BBX: variants seen among roughly 807,000 people sequenced by gnomAD.
The protein encoded by BBX is HMG box transcription factor BBX.
In BBX, 30 loss-of-function variants were observed where a neutral mutation model predicts 100.2. That is an observed-to-expected ratio of 0.30 (90% CI 0.22 to 0.41). The LOEUF is 0.41. Ranked by LOEUF, BBX falls within the 10% of genes least tolerant of loss-of-function variation. BBX has a pLI of 1.00. For missense variants in BBX, 1,023 were observed against 1,129.8 expected, an observed-to-expected ratio of 0.91 and a Z score of 1.35; for synonymous variants, 376 against 388.1, an observed-to-expected ratio of 0.97 and a Z score of 0.37.
At chr3:107,538,897 G>A (rs1046326654) in intron 2 of BBX, among the ~76,000 whole-genome samples, 29 of 151,722 alleles carry the variant, frequency 1.9e-4, no homozygotes, top group African/African-American at 6.5e-4. Flanking sequence ...TGATCCTCTC[G>A]CCTTAGCTTC....
At chr3:107,647,672 G>C (rs1330561147) in intron 3 of BBX, among the ~76,000 whole-genome samples, 3 of 152,096 alleles carry the variant, frequency 2.0e-5, no homozygotes, top group African/African-American at 4.8e-5. Context: ...AGGATGCCAG[G>C]GTTCAATAAA....
intron 2 of BBX, among the ~76,000 whole-genome samples, chr3:107,627,652 A>T (rs2056279774): frequency 6.6e-6 from 1 of 152,078 alleles, no homozygotes; most frequent in Non-Finnish European, 1.5e-5. Flanking sequence ...ACTTTCTCTA[A>T]GTTTAACTAG....
chr3:107,631,215 C>T lies in BBX; in HGVS notation c.-83-14621C>T, dbSNP rs573103269. 2.0e-3 allele frequency among the ~76,000 whole-genome samples: 301 copies of T among 152,314 alleles called. 1 individual carries two copies. Among genetic ancestry groups the T allele is most frequent in the African/African-American group, 7.0e-3 (291 of 41,570 alleles). On this transcript the variant is annotated intron_variant, in intron 2 of 17. Transcript: ENST00000325805. ...TTACCACCTTGTCACTCTGCCCAGC[C>T]TTCTAAGCCTTTGGGCTCATTTTTA...
Position 107,807,467 on chromosome 3 carries a change from G to T in BBX, c.*2010G>T, listed in dbSNP as rs1265991263. On this transcript the variant is annotated 3_prime_UTR_variant, in exon 18 of 18. Transcript: ENST00000325805. Reference sequence around the variant, plus strand: ...TTGCTGGGTCCCGATGTTGGTGGCTGTTGGAGTTTTGGACCACTCGCTAGC... The same window carrying T: ...TTGCTGGGTCCCGATGTTGGTGGCTTTTGGAGTTTTGGACCACTCGCTAGC... The T allele has an allele frequency of 1.3e-5, 2 of 152,158 alleles. No individual in the cohort carries two copies. Among genetic ancestry groups the T allele is most frequent in the African/African-American group, 4.8e-5 (2 of 41,434 alleles). 9.4% of individuals were successfully genotyped at this position (152,158 alleles called of 1,614,324 possible).
In BBX at chr3:107,565,370, C is replaced by T. The variant is rs1314193670; in HGVS notation, c.-84+38972C>T. 2.0e-5 allele frequency among the ~76,000 whole-genome samples: 3 copies of T among 150,484 alleles called. No homozygotes were observed. In the East Asian group the frequency reaches 5.8e-4, roughly 29 times the overall value. On this transcript the variant is annotated intron_variant, in intron 2 of 17. Coordinates refer to ENST00000325805, the MANE Select transcript of BBX (RefSeq NM_001142568.3). ...GATTGTTTTTAGTGATAGCATACAT[C>T]CTTATTTGTACATATTTTTTACATA...
rs1277546858 is a variant in BBX at position 107,773,651 on chromosome 3, CA to C, written c.1915+18del. On this transcript the variant is annotated intron_variant, in intron 11 of 17. Transcript: ENST00000325805. The surrounding 1 kb of genome is among the most constrained non-coding windows in gnomAD (Gnocchi z 4.1). ...TGTTGACAGAGGTAAGTAACTTCTA[CA>C]AACCTGAAAAGAATTCAAAAACCAA... 2 of 1,582,604 alleles carry C rather than the reference CA, an allele frequency of 1.3e-6. No homozygotes were observed. Among genetic ancestry groups the C allele is most frequent in the African/African-American group, 1.4e-5 (1 of 73,368 alleles).
intron 2 of BBX, among the ~76,000 whole-genome samples, chr3:107,584,905 C>G (rs1479219875): frequency 4.0e-5 from 6 of 151,856 alleles, no homozygotes; most frequent in Non-Finnish European, 8.8e-5. Context: ...TGGTCTCGAA[C>G]TCCTGACCTC....
intron 9 of BBX, among the ~76,000 whole-genome samples, 195 bp downstream of exon 9, chr3:107,748,234 C>T (rs999418944): frequency 6.6e-6 from 1 of 152,200 alleles, no homozygotes; most frequent in African/African-American, 2.4e-5. Context: ...CCCGATTTTA[C>T]ACCCATTTTA....
intron 3 of BBX, chr3:107,659,648 C>T (rs567429153): frequency 7.8e-6 from 8 of 1,030,094 alleles, no homozygotes; most frequent in Non-Finnish European, 1.0e-5. Flanking sequence ...GGAATTCAAA[C>T]TCAGGCTGTC....
chr3:107,737,019 A>G (rs2063682690), intron 7 of BBX, among the ~76,000 whole-genome samples: 1 of 152,134 alleles, frequency 6.6e-6, no homozygotes, highest in African/African-American at 2.4e-5. Context: ...TGGAGCCAGC[A>G]GATAATGACA....
intron 2 of BBX, among the ~76,000 whole-genome samples, chr3:107,569,769 A>G (rs2051206044): frequency 1.3e-5 from 2 of 152,164 alleles, no homozygotes; most frequent in South Asian, 4.1e-4. Context: ...GGCCCTTGAA[A>G]AGAAGGTAAT....
At chr3:107,527,560 A>G (rs149135802) in intron 2 of BBX, among the ~76,000 whole-genome samples, 2 of 152,330 alleles carry the variant, frequency 1.3e-5, no homozygotes, top group African/African-American at 4.8e-5. Flanking sequence ...GTTATTGAAG[A>G]CTTTAGATAA....
intron 9 of BBX, among the ~76,000 whole-genome samples, chr3:107,753,345 G>A (rs1307505707): frequency 1.3e-5 from 2 of 152,090 alleles, no homozygotes; most frequent in Non-Finnish European, 2.9e-5. Flanking sequence ...CCATAAAAAT[G>A]TTACTGTTAG....
intron 1 of BBX, chr3:107,524,348 A>G (rs942789316): frequency 2.0e-5 from 3 of 152,150 alleles, no homozygotes; most frequent in Admixed American, 2.0e-4. Flanking sequence ...CTAGTAAATT[A>G]CAGAAATCAG....
intron 2 of BBX, among the ~76,000 whole-genome samples, chr3:107,527,721 A>G (rs1008563077): frequency 3.3e-5 from 5 of 152,234 alleles, no homozygotes; most frequent in Non-Finnish European, 7.4e-5. Flanking sequence ...AGAATACATC[A>G]CATACATAGC....
chr3:107,634,180 T>C (rs529241070), intron 2 of BBX, among the ~76,000 whole-genome samples: 30 of 152,346 alleles, frequency 2.0e-4, no homozygotes, highest in African/African-American at 7.0e-4. Flanking sequence ...CAATGCTTAC[T>C]TATGTCTGTG....
At chr3:107,656,519 A>G (rs1015101893) in intron 3 of BBX, among the ~76,000 whole-genome samples, 1 of 152,122 alleles carries the variant, frequency 6.6e-6, no homozygotes. Context: ...ATAGACTTTA[A>G]TTGTATACTT....
intron 2 of BBX, among the ~76,000 whole-genome samples, chr3:107,636,263 A>T (rs762300944): frequency 6.6e-6 from 1 of 152,086 alleles, no homozygotes; most frequent in Non-Finnish European, 1.5e-5. Context: ...GCCATGGACT[A>T]TTTTCCCAAA....
chr3:107,665,694 A>T (rs1033741690), intron 3 of BBX, among the ~76,000 whole-genome samples: 2 of 152,134 alleles, frequency 1.3e-5, no homozygotes, highest in African/African-American at 4.8e-5. Context: ...CTAATGTCTG[A>T]GTTCTGCCTT....
Sources: gnomAD v4.1 joint callset for allele counts (sites outside exome capture counted in the v4.1 genomes callset) on GRCh38, gnomAD v4.1.1 for gene constraint, Gnocchi (gnomAD v3.1) non-coding constraint, MANE v1.5 for transcripts, NCBI Gene and HGNC (gene_info 2026-07-23, HGNC 2026-07-21) for gene names.